JAZF1: variants seen among roughly 807,000 people sequenced by gnomAD.
The protein encoded by JAZF1 is juxtaposed with another zinc finger protein 1.
In JAZF1, 8 loss-of-function variants were observed where a neutral mutation model predicts 26.4. That is an observed-to-expected ratio of 0.30 (90% CI 0.18 to 0.55). JAZF1 has a LOEUF of 0.55. JAZF1 is among the 20% of genes least tolerant of loss of function. The probability of loss-of-function intolerance (pLI) is 0.94; values close to 1 mark genes in which losing one functional copy is unlikely to be tolerated. For missense variants in JAZF1, 199 were observed against 322.0 expected (o/e 0.62, Z 2.92); for synonymous variants, 126 against 122.3 (o/e 1.03, Z -0.20).
chr7:27,849,172 C>A (rs1055565748), intron 3 of JAZF1, among the ~76,000 whole-genome samples: 2 of 152,150 alleles, frequency 1.3e-5, no homozygotes, highest in African/African-American at 4.8e-5. Flanking sequence ...AAAGCAAGGC[C>A]CTGGAGACGG....
intron 1 of JAZF1, among the ~76,000 whole-genome samples, chr7:28,166,548 T>G (rs1053378845): frequency 6.6e-6 from 1 of 152,206 alleles, no homozygotes; most frequent in Non-Finnish European, 1.5e-5. Flanking sequence ...TAAAATCATC[T>G]CTTGTTTTTT....
intron 2 of JAZF1, among the ~76,000 whole-genome samples, chr7:27,955,191 C>T (rs1037975497): frequency 6.6e-6 from 1 of 152,140 alleles, no homozygotes; most frequent in Non-Finnish European, 1.5e-5. Context: ...TTGGTTTCTG[C>T]CAGATTTGTG....
At chr7:28,116,432 A>G (rs1424640945) in intron 1 of JAZF1, among the ~76,000 whole-genome samples, 1 of 152,102 alleles carries the variant, frequency 6.6e-6, no homozygotes, top group African/African-American at 2.4e-5. Context: ...GTTTGAAAAC[A>G]ATGTATTTCT....
intron 2 of JAZF1, among the ~76,000 whole-genome samples, chr7:27,925,468 G>A (rs1471536480): frequency 2.0e-5 from 3 of 152,186 alleles, no homozygotes; most frequent in Non-Finnish European, 4.4e-5. Flanking sequence ...CTGTTGCCCA[G>A]ACTGGAGTGC....
At chr7:27,848,293 CT>C in intron 3 of JAZF1, among the ~76,000 whole-genome samples, 1 of 152,152 alleles carries the variant, frequency 6.6e-6, no homozygotes, top group South Asian at 2.1e-4. Context: ...AAATTTATTC[CT>C]TTTTTTGATG....
chr7:28,084,802 T>C (rs1484451517), intron 1 of JAZF1, among the ~76,000 whole-genome samples: 1 of 152,326 alleles, frequency 6.6e-6, no homozygotes, highest in East Asian at 1.9e-4. Flanking sequence ...CTGCTGTGGT[T>C]TGAATGTTTA....
intron 3 of JAZF1, chr7:27,846,429 A>G: frequency 4.3e-6 from 2 of 469,296 alleles, no homozygotes; most frequent in Non-Finnish European, 8.8e-6. Context: ...ATATATACAC[A>G]CAGATTCTTG....
intron 1 of JAZF1, among the ~76,000 whole-genome samples, chr7:27,995,690 T>A (rs1447750849): frequency 2.0e-5 from 3 of 152,312 alleles, no homozygotes; most frequent in Non-Finnish European, 4.4e-5. Context: ...TCTATCTTTA[T>A]TTCAGGGGAT....
intron 1 of JAZF1, among the ~76,000 whole-genome samples, chr7:28,169,580 A>T (rs1783421164): frequency 6.6e-6 from 1 of 152,214 alleles, no homozygotes; most frequent in Non-Finnish European, 1.5e-5. Context: ...CTCAATGAGG[A>T]CAAGAGAGGC....
At chr7:27,994,984 T>A (rs959302512) in intron 1 of JAZF1, among the ~76,000 whole-genome samples, 1 of 152,160 alleles carries the variant, frequency 6.6e-6, no homozygotes, top group African/African-American at 2.4e-5. Context: ...CCCCACATCC[T>A]GCACAATGAC....
At position 27,906,591 on chromosome 7, in the gene JAZF1, G is replaced by A. The variant is rs572442708; in HGVS notation, c.189-11175C>T. On this transcript the variant is annotated intron_variant, in intron 2 of 4. Transcript: ENST00000283928. ...AATCACTCTTTAAAGTCACAGGTCA[G>A]CATAAATTATCAGTGAAGCAATTAA... Among the ~76,000 whole-genome samples the A allele has an allele frequency of 9.0e-4, 137 of 152,296 alleles. 1 individual carries two copies. The highest frequency in any genetic ancestry group is 3.2e-3 in the African/African-American group (134 of 41,564).
intron 3 of JAZF1, among the ~76,000 whole-genome samples, chr7:27,853,267 A>G (rs138668152): frequency 9.9e-5 from 15 of 152,168 alleles, no homozygotes; most frequent in African/African-American, 3.4e-4. Context: ...TTTTTGTTCA[A>G]TGTTGTTTTG....
chr7:27,892,829 A>G (rs548414946), intron 3 of JAZF1, among the ~76,000 whole-genome samples: 1 of 152,356 alleles, frequency 6.6e-6, no homozygotes. Context: ...CCTAAAATAC[A>G]AAGTTGAAAA....
chr7:27,891,912 G>C (rs1311076069), intron 3 of JAZF1, among the ~76,000 whole-genome samples: 3 of 152,132 alleles, frequency 2.0e-5, no homozygotes, highest in Non-Finnish European at 4.4e-5. Context: ...CGAAACTTTA[G>C]GATAAAGCTG....
chr7:28,004,061 A>G (rs1269656418), intron 1 of JAZF1, among the ~76,000 whole-genome samples: 1 of 152,186 alleles, frequency 6.6e-6, no homozygotes, highest in Admixed American at 6.5e-5. Flanking sequence ...AGACTGGACT[A>G]TAGAGGATGT....
At chr7:28,078,179 C>T (rs1317895790) in intron 1 of JAZF1, among the ~76,000 whole-genome samples, 2 of 152,244 alleles carry the variant, frequency 1.3e-5, no homozygotes, top group East Asian at 1.9e-4. Flanking sequence ...GGAAGTCACT[C>T]GTATGATGAT....
At chr7:27,952,917 C>G (rs936011340) in intron 2 of JAZF1, among the ~76,000 whole-genome samples, 1 of 152,138 alleles carries the variant, frequency 6.6e-6, no homozygotes, top group Non-Finnish European at 1.5e-5. Context: ...TTAAATGTTA[C>G]CAAGTGGAAC....
intron 1 of JAZF1, among the ~76,000 whole-genome samples, chr7:28,166,128 A>AT (rs200331915): frequency 0.1 from 15,026 of 149,758 alleles, 911 homozygotes; most frequent in East Asian, 0.2. Context: ...ATATATATAT[A>AT]AAAAAAGTTG....
At chr7:28,158,749 A>G (rs1783232190) in intron 1 of JAZF1, among the ~76,000 whole-genome samples, 1 of 152,212 alleles carries the variant, frequency 6.6e-6, no homozygotes. Flanking sequence ...GTTTACCCAA[A>G]TAACTTCTGA....
Sources: gnomAD v4.1 joint callset for allele counts (sites outside exome capture counted in the v4.1 genomes callset) on GRCh38, gnomAD v4.1.1 for gene constraint, MANE v1.5 for transcripts, NCBI Gene and HGNC (gene_info 2026-07-23, HGNC 2026-07-21) for gene names.